Variants in MEIS2 observed in about 807,000 individuals in gnomAD.
The protein encoded by MEIS2 is Meis homeobox 2, also known as homeobox protein Meis2.
MEIS2 carries 9 observed loss-of-function variants against 58.6 expected under a neutral mutation model. The observed-to-expected ratio is 0.15, with a 90% CI of 0.09 to 0.27. The LOEUF (loss-of-function observed/expected upper bound fraction) is 0.27, where lower values mean the gene tolerates loss of function less well. Ranked by LOEUF, MEIS2 falls within the 10% of genes least tolerant of loss-of-function variation. The probability of loss-of-function intolerance (pLI) is 1.00; values close to 1 mark genes in which losing one functional copy is unlikely to be tolerated. For synonymous variants in MEIS2, 221 were observed against 228.4 expected (o/e 0.97, Z 0.29); for missense variants, 427 against 635.0 (o/e 0.67, Z 3.52).
chr15:37,026,624 T>G (rs1206340918), intron 8 of MEIS2, among the ~76,000 whole-genome samples: 8 of 152,276 alleles, frequency 5.3e-5, no homozygotes, highest in Middle Eastern at 3.4e-3. Flanking sequence ...ATCAGCAGAT[T>G]TGGCGGGGGG....
intron 9 of MEIS2, among the ~76,000 whole-genome samples, chr15:36,906,564 G>C (rs943914164): frequency 6.0e-5 from 9 of 150,804 alleles, no homozygotes; most frequent in African/African-American, 2.2e-4. Flanking sequence ...ATTTGTTGTG[G>C]TGGGAAGAGG....
chr15:36,988,274 A>C (rs565349456), intron 8 of MEIS2, among the ~76,000 whole-genome samples: 3 of 152,338 alleles, frequency 2.0e-5, no homozygotes, highest in African/African-American at 7.2e-5. Context: ...TTTAAAGGCC[A>C]AATACTTATT....
rs189090733 is a variant in MEIS2, at chr15:36,920,019, T to C, written c.978-23333A>G. ...CAAGGATGAAGGAAGTTAAACTACA[T>C]AGTCATTGGAGCATGGATACTGATG... is the stretch of plus-strand genomic sequence containing the variant. On this transcript the variant is annotated intron_variant, in intron 9 of 11. Transcript: ENST00000561208. Among the ~76,000 whole-genome samples, 366 of 152,266 alleles carry C rather than the reference T, an allele frequency of 2.4e-3. 1 individual carries two copies. Among genetic ancestry groups the C allele is most frequent in the Non-Finnish European group, 3.2e-3 (218 of 68,028 alleles).
chr15:37,079,659 G>A (rs191021060), intron 7 of MEIS2, among the ~76,000 whole-genome samples: 1 of 152,234 alleles, frequency 6.6e-6, no homozygotes, highest in East Asian at 1.9e-4. Flanking sequence ...GATATTTGTA[G>A]GTTTCAACAC....
At chr15:36,893,529 G>A (rs2056000713) in intron 11 of MEIS2, among the ~76,000 whole-genome samples, 1 of 152,172 alleles carries the variant, frequency 6.6e-6, no homozygotes, top group African/African-American at 2.4e-5. Context: ...TGATAATTAA[G>A]TACCAAATAT....
At chr15:37,088,468 T>A (rs991989853) in intron 6 of MEIS2, among the ~76,000 whole-genome samples, 1 of 152,178 alleles carries the variant, frequency 6.6e-6, no homozygotes, top group Non-Finnish European at 1.5e-5. Context: ...AAAATATTTT[T>A]AAAAATAAAA....
At chr15:36,942,121 G>A (rs868466360) in intron 9 of MEIS2, among the ~76,000 whole-genome samples, 1 of 152,164 alleles carries the variant, frequency 6.6e-6, no homozygotes, top group African/African-American at 2.4e-5. Flanking sequence ...TTCAGCCTGA[G>A]TGCAGAATTA....
intron 8 of MEIS2, among the ~76,000 whole-genome samples, chr15:36,985,290 G>A (rs531660389): frequency 1.3e-5 from 2 of 152,160 alleles, no homozygotes; most frequent in East Asian, 3.9e-4. Flanking sequence ...TTTTCTACAG[G>A]ATCAGTTCTG....
intron 8 of MEIS2, among the ~76,000 whole-genome samples, chr15:36,994,699 C>T (rs1595887392): frequency 6.6e-6 from 1 of 152,280 alleles, no homozygotes; most frequent in East Asian, 1.9e-4. Context: ...TAATTTATTT[C>T]ATTAAATGGC....
chr15:36,922,773 G>A (rs925462600), intron 9 of MEIS2, among the ~76,000 whole-genome samples: 10 of 151,076 alleles, frequency 6.6e-5, no homozygotes, highest in African/African-American at 1.9e-4. Context: ...CACCACACCC[G>A]CCTAATATTT....
At chr15:37,095,251 G>C (rs1042590887) in intron 4 of MEIS2, among the ~76,000 whole-genome samples, 2 of 130,548 alleles carry the variant, frequency 1.5e-5, no homozygotes, top group African/African-American at 5.7e-5. Context: ...CGCCTGCCCC[G>C]GCAAACAGAG....
chr15:36,934,108 T>G (rs1173428691), intron 9 of MEIS2, among the ~76,000 whole-genome samples: 5 of 152,222 alleles, frequency 3.3e-5, no homozygotes, highest in African/African-American at 1.2e-4. Flanking sequence ...ATACAATGCG[T>G]AAGTAGATTT....
At chr15:37,098,304 G>A in intron 1 of MEIS2, 105 bp from the exon 2 acceptor site, 1 of 1,401,930 alleles carries the variant, frequency 7.1e-7, no homozygotes, top group South Asian at 1.5e-5. Flanking sequence ...ACAGAAAAGA[G>A]AGGAAGGGAT....
intron 7 of MEIS2, among the ~76,000 whole-genome samples, chr15:37,044,442 G>C (rs1273693646): frequency 6.6e-6 from 1 of 152,042 alleles, no homozygotes; most frequent in African/African-American, 2.4e-5. Flanking sequence ...TTATCTACAG[G>C]CTTATGATTA....
chr15:36,959,800 A>G (rs2059119606), intron 8 of MEIS2, among the ~76,000 whole-genome samples: 1 of 152,174 alleles, frequency 6.6e-6, no homozygotes, highest in East Asian at 1.9e-4. Context: ...TTAACATTTA[A>G]TTTATTCATT....
rs1229352147 is a variant in MEIS2, at chr15:37,098,189, A to G, written c.23T>C (p.Leu8Pro). MAQRYDE[L>P]PHYGGMDGVG... ...TCCGTCCATCCCGCCGTAATGGGGCAGCTCATCGTACTGTCAGAACCCGGG... is the reference window on the plus strand; with the variant it reads ...TCCGTCCATCCCGCCGTAATGGGGCGGCTCATCGTACTGTCAGAACCCGGG... Residue 8 changes from leucine (L) to proline (P), a missense_variant, in exon 2 of 12, where the codon CTG becomes CCG. Around this residue, in one of 6 missense-constraint regions of MEIS2, gnomAD observed 103 missense variants for 111.8 expected, o/e 0.92. Coordinates refer to ENST00000561208, the MANE Select transcript of MEIS2 (RefSeq NM_170675.5). 6.2e-7 allele frequency: 1 copy of G among 1,602,436 alleles called. No individual in the cohort carries two copies. Among genetic ancestry groups the G allele is most frequent in the Non-Finnish European group, 8.5e-7 (1 of 1,172,998 alleles).
intron 9 of MEIS2, among the ~76,000 whole-genome samples, chr15:36,901,959 C>T (rs2056497876): frequency 6.6e-6 from 1 of 152,190 alleles, no homozygotes; most frequent in South Asian, 2.1e-4. Flanking sequence ...TAGAGCAATA[C>T]GGTGAAGAGC....
Position 37,100,077 on chromosome 15 carries a change from C to T in MEIS2, c.-611G>A, listed in dbSNP as rs1894914017. The T allele has an allele frequency of 6.8e-6, 1 of 146,646 alleles. No homozygotes were observed. The highest frequency in any genetic ancestry group is 2.5e-5 in the African/African-American group (1 of 39,696). The allele number at this position is 146,646 out of a possible 1,614,324, so 9.1% of individuals were successfully genotyped here. ...GTTTCTGCTTCTTGAATTTTTTCCT[C>T]CCCCCTCCCCCCTTTTTTAGCTTTG... On this transcript the variant is annotated 5_prime_UTR_variant, in exon 1 of 12. Transcript: ENST00000561208.
intron 9 of MEIS2, among the ~76,000 whole-genome samples, chr15:36,937,180 T>C (rs1335609938): frequency 6.6e-6 from 1 of 152,202 alleles, no homozygotes; most frequent in Non-Finnish European, 1.5e-5. Context: ...AGCAAAGGTA[T>C]AGTGACTTGC....
Sources: allele counts gnomAD v4.1 joint callset (sites outside exome capture counted in the v4.1 genomes callset), GRCh38; gene constraint gnomAD v4.1.1; regional missense constraint gnomAD v4.1.1; transcripts MANE v1.5; gene names NCBI Gene and HGNC (gene_info 2026-07-23, HGNC 2026-07-21).